Variants in PALLD observed in about 807,000 individuals in gnomAD.
PALLD encodes the protein palladin, cytoskeletal associated protein, also known as palladin.
PALLD carries 61 observed loss-of-function variants against 123.5 expected under a neutral mutation model. The ratio of observed to expected loss-of-function variants is 0.49; its 90% confidence interval spans 0.40 to 0.61. The LOEUF (loss-of-function observed/expected upper bound fraction) is 0.61, where lower values mean the gene tolerates loss of function less well. Ranked by LOEUF, PALLD falls within the 20% of genes least tolerant of loss-of-function variation. PALLD has a pLI of 0.00. For missense variants in PALLD, 1,273 were observed against 1,377.0 expected (o/e 0.92, Z 1.20); for synonymous variants, 465 against 496.4 (o/e 0.94, Z 0.84).
intron 2 of PALLD, among the ~76,000 whole-genome samples, chr4:168,539,896 G>T (rs916590231): frequency 1.3e-5 from 2 of 152,028 alleles, no homozygotes; most frequent in Non-Finnish European, 2.9e-5. Context: ...CTTGGGGTAC[G>T]ATTGATCTGG....
chr4:168,757,332 GT>G (rs1228301162), intron 10 of PALLD, among the ~76,000 whole-genome samples: 1 of 152,202 alleles, frequency 6.6e-6, no homozygotes, highest in Non-Finnish European at 1.5e-5. Context: ...CCTAGGGTGA[GT>G]GCCTGAAAGG....
At chr4:168,704,664 CAAAAAA>C (rs35183478) in intron 8 of PALLD, among the ~76,000 whole-genome samples, 2,265 of 81,434 alleles carry the variant, frequency 0.028, 55 homozygotes, top group South Asian at 0.21. Flanking sequence ...GACTCTGTCT[CAAAAAA>C]AAAAAAAAAA....
At chr4:168,769,556 A>G (rs1420087281) in intron 10 of PALLD, among the ~76,000 whole-genome samples, 3 of 152,138 alleles carry the variant, frequency 2.0e-5, no homozygotes, top group African/African-American at 7.2e-5. Flanking sequence ...GCCTGCTACA[A>G]TTCTTCTCTG....
intron 8 of PALLD, among the ~76,000 whole-genome samples, chr4:168,703,665 A>G (rs1783926063): frequency 7.3e-6 from 1 of 136,374 alleles, no homozygotes; most frequent in African/African-American, 3.1e-5. Context: ...GCCAGTGATG[A>G]TGAGCATTTT....
Position 168,586,206 on chromosome 4 carries a change from A to G in PALLD, c.908+73794A>G, listed in dbSNP as rs1272329360. Among the ~76,000 whole-genome samples, 3 of 151,044 alleles carry G rather than the reference A, an allele frequency of 2.0e-5. No individual in the cohort carries two copies. The South Asian group carries it at 6.3e-4, about 32-fold the overall frequency. ...CTTTCTAAGCAGTGCCTATCAAGCT[A>G]CTACTTCCGGCCCCACAAAAAAGAA... is the stretch of plus-strand genomic sequence containing the variant. On this transcript the variant is annotated intron_variant, in intron 2 of 21. Coordinates refer to ENST00000505667, the MANE Select transcript of PALLD (RefSeq NM_001166108.2).
chr4:168,878,000 G>C, intron 10 of PALLD: 2 of 1,498,310 alleles, frequency 1.3e-6, no homozygotes, highest in Non-Finnish European at 1.8e-6. Context: ...GCCCGCGTCG[G>C]GCCACGGCAC....
intron 10 of PALLD, among the ~76,000 whole-genome samples, chr4:168,715,979 G>A (rs1441384602): frequency 2.0e-5 from 3 of 151,996 alleles, no homozygotes; most frequent in Non-Finnish European, 4.4e-5. Context: ...CCATAGACAT[G>A]CATGGAATCC....
At chr4:168,819,206 T>C (rs1742374437) in intron 10 of PALLD, among the ~76,000 whole-genome samples, 1 of 152,216 alleles carries the variant, frequency 6.6e-6, no homozygotes. Flanking sequence ...TGTCAATTAT[T>C]TAAAAATAGC....
chr4:168,867,070 G>A (rs748939013), intron 10 of PALLD, among the ~76,000 whole-genome samples: 1 of 152,152 alleles, frequency 6.6e-6, no homozygotes, highest in African/African-American at 2.4e-5. Context: ...TTTAAATCCC[G>A]TCTCCACTTC....
intron 10 of PALLD, among the ~76,000 whole-genome samples, chr4:168,739,648 A>G (rs77839264): frequency 6.6e-6 from 1 of 152,170 alleles, no homozygotes; most frequent in African/African-American, 2.4e-5. Context: ...TACACATTCT[A>G]TGCATGTGAC....
Position 168,928,124 on chromosome 4 carries a change from G to C in PALLD, c.*1944G>C, listed in dbSNP as rs1582273848. On this transcript the variant is annotated 3_prime_UTR_variant, in exon 22 of 22. Transcript: ENST00000505667. ...GGTGGCAGATGTTCTATGCAGTGTG[G>C]TTCAAGTTTCTTTGACCGCACTTAT... 1 of 193,048 alleles carries C rather than the reference G, an allele frequency of 5.2e-6. No homozygotes were observed. The highest frequency in any genetic ancestry group is 8.2e-5 in the East Asian group (1 of 12,236). The allele number at this position is 193,048 out of a possible 1,614,324, so 12.0% of individuals were successfully genotyped here. A position where few individuals can be genotyped will look rare whatever the true frequency, so the allele number is the denominator to read the frequency against.
chr4:168,582,337 T>A lies in PALLD; in HGVS notation c.908+69925T>A, dbSNP rs189164791. Among the ~76,000 whole-genome samples the A allele has an allele frequency of 3.0e-3, 460 of 152,278 alleles. 10 individuals are homozygous for A. Among genetic ancestry groups the A allele is most frequent in the East Asian group, 2.3e-3 (12 of 5,186 alleles). ...ATGTTGACTTTGTATCCTGCTACTTTACTGAATTTGTTTATCAGATTTTTT... is the reference window on the plus strand; with the variant it reads ...ATGTTGACTTTGTATCCTGCTACTTAACTGAATTTGTTTATCAGATTTTTT... On this transcript the variant is annotated intron_variant, in intron 2 of 21. Transcript: ENST00000505667.
chr4:168,867,251 A>G (rs564175183), intron 10 of PALLD, among the ~76,000 whole-genome samples: 51 of 152,344 alleles, frequency 3.3e-4, no homozygotes, highest in Admixed American at 3.2e-3. Flanking sequence ...TAAGTGCTCT[A>G]TAGCAGTTAG....
chr4:168,553,301 G>A (rs1019021356), intron 2 of PALLD, among the ~76,000 whole-genome samples: 3 of 152,184 alleles, frequency 2.0e-5, no homozygotes, highest in Admixed American at 2.0e-4. Context: ...GCCTTATAAT[G>A]TTGTAATGGC....
chr4:168,642,533 CT>C (rs1314317014), intron 2 of PALLD, among the ~76,000 whole-genome samples: 1 of 152,162 alleles, frequency 6.6e-6, no homozygotes, highest in East Asian at 1.9e-4. Flanking sequence ...TCCCGAGTAG[CT>C]GGGATTATAG....
intron 10 of PALLD, among the ~76,000 whole-genome samples, chr4:168,755,018 G>T (rs1293366488): frequency 6.6e-6 from 1 of 152,158 alleles, no homozygotes; most frequent in Non-Finnish European, 1.5e-5. Flanking sequence ...GGATCATGAG[G>T]TCAGGAGATC....
Position 168,511,680 on chromosome 4 carries a change from A to C in PALLD, c.176A>C (p.Asp59Ala). ...GCCGACTCCGAAACAGAAGATTTTG[A>C]CTCGGAAAAGGAGATCTCGCAGATT... ...AIADSETEDF[D>A]SEKEISQIFS... Residue 59 changes from aspartate (D) to alanine (A), a missense_variant, in exon 2 of 22, where the codon GAC becomes GCC. Around this residue, in one of 2 missense-constraint regions of PALLD, gnomAD observed 944 missense variants for 954.5 expected, o/e 0.99. Coordinates refer to ENST00000505667, the MANE Select transcript of PALLD (RefSeq NM_001166108.2). 4 of 1,614,060 alleles carry C rather than the reference A, an allele frequency of 2.5e-6. No homozygotes were observed. Among genetic ancestry groups the C allele is most frequent in the Non-Finnish European group, 8.5e-7 (1 of 1,180,004 alleles).
chr4:168,817,847 T>C (rs1220286793), intron 10 of PALLD, among the ~76,000 whole-genome samples: 2 of 152,234 alleles, frequency 1.3e-5, no homozygotes, highest in Non-Finnish European at 2.9e-5. Context: ...CCTCAATAAC[T>C]AAATTGTTGG....
Position 168,924,263 on chromosome 4 carries a change from G to A in PALLD, c.3067G>A (p.Ala1023Thr), listed in dbSNP as rs1762156256. ...SLELVVAAKE[A>T]HKPPVFIEKL... is the part of the protein sequence containing the mutation. ...ATCTCATGTTTTCTTAGCTAAAGAA[G>A]CACACAAACCCCCTGTGTTTATTGA... Residue 1023 changes from alanine (A) to threonine (T), a missense_variant, in exon 19 of 22, where the codon GCA becomes ACA. Ala to Thr is a moderately conservative substitution (Grantham distance 58). This residue lies in a region of PALLD where 329 missense variants were observed against 422.5 expected (regional missense o/e 0.78). Transcript: ENST00000505667. 6.2e-7 allele frequency: 1 copy of A among 1,613,634 alleles called. No individual in the cohort carries two copies.
Sources: gnomAD v4.1 joint callset for allele counts (sites outside exome capture counted in the v4.1 genomes callset) on GRCh38, gnomAD v4.1.1 for gene constraint, gnomAD v4.1.1 regional missense constraint, MANE v1.5 for transcripts, NCBI Gene and HGNC (gene_info 2026-07-23, HGNC 2026-07-21) for gene names.